Variants in GRID2 observed in about 807,000 individuals in gnomAD.
GRID2 encodes the protein glutamate receptor ionotropic, delta-2.
Under a neutral mutation model 114.8 loss-of-function variants are expected in GRID2, and 33 were observed. That is an observed-to-expected ratio of 0.29 (90% CI 0.22 to 0.38). The LOEUF is 0.38. Among genes scored for constraint, GRID2 ranks in the 10% least tolerant of loss-of-function variants. GRID2 has a pLI of 1.00. For synonymous variants in GRID2, 505 were observed against 449.9 expected (o/e 1.12, Z -1.55); for missense variants, 1,184 against 1,257.7 (o/e 0.94, Z 0.89).
At chr4:93,779,948 A>C (rs1340173244) in intron 1 of GRID2, among the ~76,000 whole-genome samples, 1 of 152,232 alleles carries the variant, frequency 6.6e-6, no homozygotes, top group African/African-American at 2.4e-5. Flanking sequence ...CACGTATTCA[A>C]CATATGTTTA....
rs1736539021 is a variant in GRID2 at position 93,149,372 on chromosome 4, G to A, written c.735+38419G>A. On this transcript the variant is annotated intron_variant, in intron 4 of 15. Transcript: ENST00000282020. Reference sequence around the variant, plus strand: ...GTGGGTCACTTGAGATCAGGAGTTCGAGACCAACTTGGCCAAAATGGTGAG... The same window carrying A: ...GTGGGTCACTTGAGATCAGGAGTTCAAGACCAACTTGGCCAAAATGGTGAG... Among the ~76,000 whole-genome samples the A allele has an allele frequency of 2.0e-5, 3 of 151,944 alleles. No individual in the cohort carries two copies. The South Asian group carries it at 6.2e-4, about 32-fold the overall frequency.
chr4:92,507,607 C>T (rs759342004), intron 1 of GRID2, among the ~76,000 whole-genome samples: 1 of 151,966 alleles, frequency 6.6e-6, no homozygotes, highest in Non-Finnish European at 1.5e-5. Flanking sequence ...AGAGCTACTT[C>T]TGTAAAAACT....
chr4:92,726,453 GCACCACTATACATGAAAGTAGCTGC>G (rs1378838809), intron 2 of GRID2, among the ~76,000 whole-genome samples: 2 of 152,010 alleles, frequency 1.3e-5, no homozygotes, highest in Non-Finnish European at 2.9e-5. Context: ...GTTATGTGGT[GCACCACTATACATGAAAGTAGCTGC>G]TTTTTTAATT....
intron 2 of GRID2, among the ~76,000 whole-genome samples, chr4:93,012,628 A>G (rs1722293068): frequency 6.6e-6 from 1 of 151,882 alleles, no homozygotes; most frequent in Non-Finnish European, 1.5e-5. Flanking sequence ...GAGTTTTTGG[A>G]TCAAAAGAGA....
At chr4:93,780,311 G>A (rs1237418525) in intron 1 of GRID2, among the ~76,000 whole-genome samples, 1 of 152,184 alleles carries the variant, frequency 6.6e-6, no homozygotes, top group Admixed American at 6.5e-5. Flanking sequence ...TTTGGGAACA[G>A]CCAATACAAA....
At position 92,932,511 on chromosome 4, in the gene GRID2, G is replaced by A. The variant is rs368745158; in HGVS notation, c.245-152484G>A. ...GAAATAGTACAACAATTTTAGAGAA[G>A]TGTATTTAATATCTGTCAATCCTAA... On this transcript the variant is annotated intron_variant, in intron 2 of 15. Coordinates refer to ENST00000282020, the MANE Select transcript of GRID2 (RefSeq NM_001510.4). 3.4e-4 allele frequency among the ~76,000 whole-genome samples: 52 copies of A among 151,312 alleles called. 2 individuals carry two copies. In the South Asian group the frequency reaches 0.01, roughly 30 times the overall value.
intron 2 of GRID2, among the ~76,000 whole-genome samples, chr4:93,057,614 A>T (rs1439732054): frequency 6.6e-6 from 1 of 151,900 alleles, no homozygotes; most frequent in Non-Finnish European, 1.5e-5. Context: ...AACCTTGAGG[A>T]GGGCTTCCTT....
At chr4:93,011,988 C>A (rs1274226863) in intron 2 of GRID2, among the ~76,000 whole-genome samples, 1 of 151,284 alleles carries the variant, frequency 6.6e-6, no homozygotes, top group Non-Finnish European at 1.5e-5. Flanking sequence ...CTAAATGAGA[C>A]CTGAGCCATA....
intron 8 of GRID2, among the ~76,000 whole-genome samples, chr4:93,370,448 CACACGCACACACAA>C (rs1213442230): frequency 6.6e-5 from 10 of 150,538 alleles, no homozygotes; most frequent in Admixed American, 2.7e-4. Context: ...GGCACACACA[CACACGCACACACAA>C]ACACGCACAC....
intron 13 of GRID2, among the ~76,000 whole-genome samples, chr4:93,624,665 T>A (rs775083963): frequency 6.6e-6 from 1 of 152,196 alleles, no homozygotes; most frequent in Non-Finnish European, 1.5e-5. Flanking sequence ...TTGCTTTTCC[T>A]TGTTTAATAA....
chr4:92,757,773 A>G (rs1269757730), intron 2 of GRID2, among the ~76,000 whole-genome samples: 2 of 152,024 alleles, frequency 1.3e-5, no homozygotes, highest in Non-Finnish European at 2.9e-5. Context: ...TGTTTTCTAT[A>G]GGCTAAAAAG....
intron 3 of GRID2, among the ~76,000 whole-genome samples, chr4:93,103,527 T>C (rs1012346634): frequency 2.0e-5 from 3 of 152,132 alleles, no homozygotes; most frequent in East Asian, 3.9e-4. Flanking sequence ...CTCACATTAC[T>C]TTTTAGCATG....
At chr4:93,056,802 A>G (rs555617624) in intron 2 of GRID2, among the ~76,000 whole-genome samples, 51 of 152,010 alleles carry the variant, frequency 3.4e-4, no homozygotes, top group Admixed American at 5.9e-4. Flanking sequence ...TTTCTCACCT[A>G]TTGCTTAGCT....
chr4:93,395,722 G>A lies in GRID2; in HGVS notation c.1347+14G>A. On this transcript the variant is annotated intron_variant, in intron 9 of 15. Coordinates refer to ENST00000282020, the MANE Select transcript of GRID2 (RefSeq NM_001510.4). The stretch of plus-strand genomic sequence containing the variant: ...GTAACTGTTCTGGTAAGTATTATCT[G>A]AGCCTCGTGGTTTTGACTTTTGGAG... The A allele has an allele frequency of 8.5e-7, 1 of 1,173,132 alleles. No individual in the cohort carries two copies. The highest frequency in any genetic ancestry group is 1.7e-5 in the Admixed American group (1 of 57,662). The allele number at this position is 1,173,132 out of a possible 1,614,324, so 72.7% of individuals were successfully genotyped here. A position where few individuals can be genotyped will look rare whatever the true frequency, so the allele number is the denominator to read the frequency against.
At chr4:93,407,619 C>A (rs1323559583) in intron 9 of GRID2, among the ~76,000 whole-genome samples, 1 of 151,886 alleles carries the variant, frequency 6.6e-6, no homozygotes, top group Non-Finnish European at 1.5e-5. Context: ...CAAGGAATTT[C>A]AGTTTCTCTA....
intron 2 of GRID2, among the ~76,000 whole-genome samples, chr4:93,065,844 A>T (rs1463124336): frequency 1.3e-5 from 2 of 151,886 alleles, no homozygotes; most frequent in African/African-American, 2.4e-5. Flanking sequence ...TGCTAAATAC[A>T]CTAGCTTACA....
At chr4:93,245,565 G>A (rs189005304) in intron 8 of GRID2, among the ~76,000 whole-genome samples, 28 of 152,066 alleles carry the variant, frequency 1.8e-4, no homozygotes, top group Admixed American at 2.0e-4. Flanking sequence ...AAGTTTATTC[G>A]GACCATTAGT....
At chr4:92,700,756 A>G (rs2169946) in intron 2 of GRID2, among the ~76,000 whole-genome samples, 11,600 of 152,092 alleles carry the variant, frequency 0.076, 472 homozygotes, top group East Asian at 0.088. Flanking sequence ...ACTTTGGGAG[A>G]CCGAGGTGGG....
chr4:92,327,061 T>TA (rs1478634893), intron 1 of GRID2, among the ~76,000 whole-genome samples: 6 of 151,988 alleles, frequency 3.9e-5, no homozygotes, highest in African/African-American at 1.4e-4. Context: ...CTGCCAGCCG[T>TA]AAAAAATTTA....
Sources: allele counts gnomAD v4.1 joint callset (sites outside exome capture counted in the v4.1 genomes callset), GRCh38; gene constraint gnomAD v4.1.1; transcripts MANE v1.5; gene names NCBI Gene and HGNC (gene_info 2026-07-23, HGNC 2026-07-21).